The following LRRTM4 variants were observed in gnomAD, a reference collection of about 807,000 sequenced individuals.
LRRTM4 encodes leucine rich repeat transmembrane neuronal 4.
A neutral mutation model predicts 47.6 loss-of-function variants in LRRTM4; 25 were observed. The observed-to-expected ratio is 0.53, with a 90% CI of 0.38 to 0.73. The LOEUF is 0.73. Ranked by LOEUF, LRRTM4 falls within the 30% of genes least tolerant of loss-of-function variation. LRRTM4 has a pLI of 0.00. For synonymous variants in LRRTM4, 311 were observed against 269.5 expected (o/e 1.15, Z -1.51); for missense variants, 638 against 713.4 (o/e 0.89, Z 1.20).
At chr2:76,883,499 G>A (rs1672988059) in intron 3 of LRRTM4, among the ~76,000 whole-genome samples, 2 of 152,120 alleles carry the variant, frequency 1.3e-5, no homozygotes, top group South Asian at 4.1e-4. Context: ...CCTATGGTTT[G>A]AGAATGCAAT....
chr2:76,843,909 ATT>A (rs60754198), intron 3 of LRRTM4, among the ~76,000 whole-genome samples: 10 of 137,384 alleles, frequency 7.3e-5, no homozygotes, highest in Non-Finnish European at 6.3e-5. Context: ...TTCTTTTTTC[ATT>A]TTTTTTTTTT....
intron 3 of LRRTM4, among the ~76,000 whole-genome samples, chr2:76,888,691 G>A (rs568080649): frequency 6.6e-6 from 1 of 151,402 alleles, no homozygotes; most frequent in African/African-American, 2.4e-5. Context: ...TTTTAGTTTG[G>A]ACCACTGCTT....
At chr2:77,141,478 G>T (rs561848627) in intron 3 of LRRTM4, among the ~76,000 whole-genome samples, 1 of 139,118 alleles carries the variant, frequency 7.2e-6, no homozygotes, top group Non-Finnish European at 1.6e-5. Flanking sequence ...TCATGGGGTG[G>T]GGGGAGGGTG....
At chr2:77,256,578 A>T (rs2104027030) in intron 3 of LRRTM4, among the ~76,000 whole-genome samples, 1 of 152,172 alleles carries the variant, frequency 6.6e-6, no homozygotes, top group Non-Finnish European at 1.5e-5. Context: ...TATAAAGGAG[A>T]GTTGCCCTAC....
intron 3 of LRRTM4, among the ~76,000 whole-genome samples, chr2:77,375,722 A>G (rs1427528623): frequency 1.3e-5 from 2 of 151,736 alleles, no homozygotes; most frequent in African/African-American, 2.4e-5. Context: ...CATCCAGCAT[A>G]ATGTCATCCA....
Position 77,040,532 on chromosome 2 carries a change from T to G in LRRTM4, c.1552-291616A>C, listed in dbSNP as rs1371076617. ...GTGTTTTGATAGCCCTACTCATAAG[T>G]GCTAGTAAACAGTAGGCTTCTCAGT... On this transcript the variant is annotated intron_variant, in intron 3 of 3. Coordinates refer to ENST00000409884, the MANE Select transcript of LRRTM4 (RefSeq NM_001134745.3). Among the ~76,000 whole-genome samples the G allele has an allele frequency of 5.3e-5, 8 of 151,514 alleles. No homozygotes were observed. In the South Asian group the frequency reaches 1.7e-3, roughly 31 times the overall value.
Position 77,440,929 on chromosome 2 carries a change from C to T in LRRTM4, c.1551+77389G>A, listed in dbSNP as rs376721375. On this transcript the variant is annotated intron_variant, in intron 3 of 3. Transcript: ENST00000409884. The stretch of plus-strand genomic sequence containing the variant: ...TCACCTATAAATCAAGAAGTACTCT[C>T]CAAAATCCAATGAAGAAATGTTGTC... Among the ~76,000 whole-genome samples, 1,083 of 152,254 alleles carry T rather than the reference C, an allele frequency of 7.1e-3. 15 individuals carry two copies. Among genetic ancestry groups the T allele is most frequent in the African/African-American group, 0.025 (1,047 of 41,538 alleles).
chr2:76,837,591 T>C (rs1671551593), intron 3 of LRRTM4, among the ~76,000 whole-genome samples: 2 of 152,176 alleles, frequency 1.3e-5, no homozygotes, highest in Admixed American at 1.3e-4. Flanking sequence ...ACTGGGTATA[T>C]ACCCAAAGGA....
At chr2:77,510,901 C>T (rs1175753137) in intron 3 of LRRTM4, among the ~76,000 whole-genome samples, 1 of 151,936 alleles carries the variant, frequency 6.6e-6, no homozygotes, top group Non-Finnish European at 1.5e-5. Context: ...TATTTTAAAA[C>T]CTGCAGTCAA....
At chr2:76,985,159 G>T (rs1255550860) in intron 3 of LRRTM4, among the ~76,000 whole-genome samples, 1 of 144,822 alleles carries the variant, frequency 6.9e-6, no homozygotes, top group African/African-American at 2.6e-5. Flanking sequence ...CACTTTAGAA[G>T]AGCTTTTAAA....
At chr2:77,065,939 G>A (rs1459971216) in intron 3 of LRRTM4, among the ~76,000 whole-genome samples, 3 of 152,140 alleles carry the variant, frequency 2.0e-5, no homozygotes, top group Admixed American at 1.3e-4. Context: ...CAAGCACACA[G>A]ATAATGCTTA....
chr2:76,800,040 C>T (rs892342092), intron 3 of LRRTM4, among the ~76,000 whole-genome samples: 2 of 151,816 alleles, frequency 1.3e-5, no homozygotes, highest in African/African-American at 2.4e-5. Flanking sequence ...AGGTAATTTA[C>T]AGATTCAATG....
chr2:76,943,786 CAT>C (rs1402690783), intron 3 of LRRTM4, among the ~76,000 whole-genome samples: 3 of 152,178 alleles, frequency 2.0e-5, no homozygotes, highest in African/African-American at 4.8e-5. Flanking sequence ...GTAATCCACT[CAT>C]GTGTTTAAGC....
chr2:76,798,167 ACACCT>A (rs1210946489), intron 3 of LRRTM4, among the ~76,000 whole-genome samples: 1 of 152,118 alleles, frequency 6.6e-6, no homozygotes, highest in Admixed American at 6.5e-5. Context: ...GCACCGCACC[ACACCT>A]ATTCCAAAAT....
intron 3 of LRRTM4, among the ~76,000 whole-genome samples, chr2:76,924,573 G>A (rs1674530138): frequency 6.6e-6 from 1 of 151,244 alleles, no homozygotes; most frequent in Admixed American, 6.6e-5. Flanking sequence ...AATACATACA[G>A]TTCACTCTGG....
At chr2:77,280,054 T>A (rs1676467183) in intron 3 of LRRTM4, among the ~76,000 whole-genome samples, 1 of 151,978 alleles carries the variant, frequency 6.6e-6, no homozygotes, top group Non-Finnish European at 1.5e-5. Flanking sequence ...CAGATGAAAA[T>A]AATCAGCTGC....
intron 3 of LRRTM4, among the ~76,000 whole-genome samples, chr2:76,797,114 ATG>A (rs1675377967): frequency 6.6e-6 from 1 of 152,038 alleles, no homozygotes; most frequent in Admixed American, 6.5e-5. Flanking sequence ...AATACAGAGA[ATG>A]CCACAAAGAT....
chr2:77,007,201 C>T (rs2104049024), intron 3 of LRRTM4, among the ~76,000 whole-genome samples: 1 of 152,010 alleles, frequency 6.6e-6, no homozygotes, highest in South Asian at 2.1e-4. Context: ...TATATGCACA[C>T]ACAAGATGAA....
chr2:76,894,179 C>A (rs1470945256), intron 3 of LRRTM4, among the ~76,000 whole-genome samples: 1 of 151,900 alleles, frequency 6.6e-6, no homozygotes, highest in African/African-American at 2.4e-5. Flanking sequence ...AAAATTAAAT[C>A]TCTTTTAAAA....
Sources: gnomAD v4.1 joint callset for allele counts (sites outside exome capture counted in the v4.1 genomes callset) on GRCh38, gnomAD v4.1.1 for gene constraint, MANE v1.5 for transcripts, NCBI Gene and HGNC (gene_info 2026-07-23, HGNC 2026-07-21) for gene names.